Variants in ELAPOR1 observed in about 807,000 individuals in gnomAD.
ELAPOR1 encodes the protein endosome/lysosome-associated apoptosis and autophagy regulator 1.
A neutral mutation model predicts 119.7 loss-of-function variants in ELAPOR1; 77 were observed. The observed-to-expected ratio is 0.64, with a 90% CI of 0.54 to 0.78. The LOEUF is 0.78. Ranked by LOEUF, ELAPOR1 falls within the 30% of genes least tolerant of loss-of-function variation. ELAPOR1 has a pLI of 0.00. For synonymous variants in ELAPOR1, 481 were observed against 487.2 expected (o/e 0.99, Z 0.17); for missense variants, 1,115 against 1,270.4 (o/e 0.88, Z 1.86).
rs796908347 is a variant in ELAPOR1 at position 109,149,203 on chromosome 1, TC to T, written c.154-12690del. The stretch of plus-strand genomic sequence containing the variant: ...AGGAGGGGCTAACTGCTGAGGATTA[TC>T]ACATCTAGGCCAGAAATGTCAGCGG... On this transcript the variant is annotated intron_variant, in intron 1 of 21. Transcript: ENST00000369939. Among the ~76,000 whole-genome samples the T allele has an allele frequency of 5.3e-5, 8 of 152,188 alleles. 1 individual carries two copies. Among genetic ancestry groups the T allele is most frequent in the African/African-American group, 1.9e-4 (8 of 41,518 alleles).
intron 13 of ELAPOR1, 137 bp from the exon 14 acceptor site, chr1:109,192,472 TAA>T: frequency 1.1e-6 from 1 of 908,644 alleles, no homozygotes; most frequent in Non-Finnish European, 1.7e-6. Context: ...GGTAAGTGAG[TAA>T]AAAGAGTCAG....
intron 1 of ELAPOR1, among the ~76,000 whole-genome samples, chr1:109,118,518 A>G (rs1648173017): frequency 6.6e-6 from 1 of 152,188 alleles, no homozygotes; most frequent in Non-Finnish European, 1.5e-5. Context: ...ACCAATACTG[A>G]AGATATTACT....
chr1:109,174,300 C>G (rs1040614927), intron 7 of ELAPOR1, among the ~76,000 whole-genome samples: 4 of 150,522 alleles, frequency 2.7e-5, no homozygotes, highest in Non-Finnish European at 5.9e-5. Context: ...ATAATCTCAG[C>G]ACTTTGGGAG....
chr1:109,122,162 C>G (rs140339739), intron 1 of ELAPOR1, among the ~76,000 whole-genome samples: 2 of 150,528 alleles, frequency 1.3e-5, no homozygotes, highest in African/African-American at 4.9e-5. Flanking sequence ...CTGTGCCTGT[C>G]GGGTTCAAGC....
intron 18 of ELAPOR1, among the ~76,000 whole-genome samples, chr1:109,199,230 C>T (rs1034471580): frequency 6.6e-6 from 1 of 152,130 alleles, no homozygotes; most frequent in Non-Finnish European, 1.5e-5. Context: ...ATGAATATGA[C>T]CACAGGACAC....
In ELAPOR1 at chr1:109,199,715, G is replaced by T. The variant is rs984161263; in HGVS notation, c.2502-139G>T. 3 of 1,005,756 alleles carry T rather than the reference G, an allele frequency of 3.0e-6. No homozygotes were observed. The African/African-American group carries it at 4.8e-5, about 16-fold the overall frequency. The allele number at this position is 1,005,756 out of a possible 1,614,324, so 62.3% of individuals were successfully genotyped here. On this transcript the variant is annotated intron_variant, in intron 18 of 21. Transcript: ENST00000369939. Reference sequence around the variant, plus strand: ...AGATCAAAACCTGTGTTAAGGACTAGTTGGAAGGATCCTGGTAGGGCTAAT... The same window carrying T: ...AGATCAAAACCTGTGTTAAGGACTATTTGGAAGGATCCTGGTAGGGCTAAT...
At chr1:109,173,955 C>A in intron 7 of ELAPOR1, 118 bp downstream of exon 7, 1 of 1,091,664 alleles carries the variant, frequency 9.2e-7, no homozygotes, top group Non-Finnish European at 1.3e-6. Flanking sequence ...ATTCTTAAAC[C>A]CTTCCTTTCT....
chr1:109,129,655 C>G (rs1332141115), intron 1 of ELAPOR1, among the ~76,000 whole-genome samples: 1 of 152,130 alleles, frequency 6.6e-6, no homozygotes, highest in Non-Finnish European at 1.5e-5. Context: ...TGGGAAGGAG[C>G]AGTGGACAGA....
chr1:109,121,461 A>G (rs1293106697), intron 1 of ELAPOR1, among the ~76,000 whole-genome samples: 1 of 152,110 alleles, frequency 6.6e-6, no homozygotes, highest in Non-Finnish European at 1.5e-5. Context: ...AGAAAGTATC[A>G]TTGTTATAAA....
intron 1 of ELAPOR1, among the ~76,000 whole-genome samples, chr1:109,156,981 G>A (rs1005644427): frequency 1.3e-5 from 2 of 152,176 alleles, no homozygotes; most frequent in African/African-American, 2.4e-5. Context: ...CACTGGGCAG[G>A]CACAAACAAT....
chr1:109,191,578 A>T, intron 12 of ELAPOR1, 107 bp downstream of exon 12: 2 of 1,392,554 alleles, frequency 1.4e-6, no homozygotes, highest in South Asian at 2.4e-5. Flanking sequence ...TAGTGATTCC[A>T]CAGAGGAAAG....
chr1:109,131,659 T>C (rs10494103), intron 1 of ELAPOR1, among the ~76,000 whole-genome samples: 16,426 of 152,160 alleles, frequency 0.11, 1,292 homozygotes, highest in African/African-American at 0.22. Context: ...GTAAATATAA[T>C]GCACGTATAT....
chr1:109,195,489 G>A (rs1202813868), intron 15 of ELAPOR1, among the ~76,000 whole-genome samples: 2 of 78,788 alleles, frequency 2.5e-5, no homozygotes, highest in African/African-American at 3.2e-5. Flanking sequence ...GTGAGACTCC[G>A]TCTCAAAAAA....
rs1649999791 is a variant in ELAPOR1, at chr1:109,144,046, TATA to T, written c.154-17847_154-17845del. 1.4e-4 allele frequency among the ~76,000 whole-genome samples: 7 copies of T among 49,338 alleles called. No homozygotes were observed. In the South Asian group the frequency reaches 5.5e-3, roughly 39 times the overall value. 32.4% of individuals were successfully genotyped at this position (49,338 alleles called of 152,430 possible). On this transcript the variant is annotated intron_variant, in intron 1 of 21. Coordinates refer to ENST00000369939, the MANE Select transcript of ELAPOR1 (RefSeq NM_020775.5). ...AATTTTCTAAAATTATATATATATA[TATA>T]TATATTTATATATTTTTTTTTTTTT...
At position 109,161,891 on chromosome 1, in the gene ELAPOR1, C is replaced by T; in HGVS notation, c.154-3C>T. 6.2e-7 allele frequency: 1 copy of T among 1,608,900 alleles called. No individual in the cohort carries two copies. Among genetic ancestry groups the T allele is most frequent in the Non-Finnish European group, 8.5e-7 (1 of 1,175,624 alleles). ...ATTTCGCCCACTGTTCTCTCCCCTG[C>T]AGTCTGAGTACCACTATGAGTACAC... On this transcript the variant is annotated splice_region_variant and splice_polypyrimidine_tract_variant and intron_variant, in intron 1 of 21. Coordinates refer to ENST00000369939, the MANE Select transcript of ELAPOR1 (RefSeq NM_020775.5).
intron 1 of ELAPOR1, among the ~76,000 whole-genome samples, chr1:109,120,868 C>T (rs900797800): frequency 6.6e-6 from 1 of 152,134 alleles, no homozygotes; most frequent in African/African-American, 2.4e-5. Context: ...AAATAGAGTC[C>T]AGGTGAAAGC....
chr1:109,131,392 G>A (rs1009254929), intron 1 of ELAPOR1, among the ~76,000 whole-genome samples: 2 of 152,150 alleles, frequency 1.3e-5, no homozygotes, highest in Non-Finnish European at 2.9e-5. Context: ...GGAGGAGGAT[G>A]AAGCTCTAAT....
At chr1:109,144,332 G>C (rs555654764) in intron 1 of ELAPOR1, among the ~76,000 whole-genome samples, 2 of 151,800 alleles carry the variant, frequency 1.3e-5, no homozygotes, top group Non-Finnish European at 2.9e-5. Flanking sequence ...GATTACAGGC[G>C]TGAGCCATCG....
intron 1 of ELAPOR1, among the ~76,000 whole-genome samples, chr1:109,155,401 A>T (rs2101028017): frequency 6.6e-6 from 1 of 152,060 alleles, no homozygotes; most frequent in East Asian, 1.9e-4. Flanking sequence ...GATGGTCTCG[A>T]TCTCCTGACC....
Sources: gnomAD v4.1 joint callset for allele counts (sites outside exome capture counted in the v4.1 genomes callset) on GRCh38, gnomAD v4.1.1 for gene constraint, MANE v1.5 for transcripts, NCBI Gene and HGNC (gene_info 2026-07-23, HGNC 2026-07-21) for gene names.